Variants in TWF1 observed in about 807,000 individuals in gnomAD.
TWF1 encodes twinfilin actin binding protein 1, also known as twinfilin-1.
Under a neutral mutation model 47.9 loss-of-function variants are expected in TWF1, and 14 were observed. The ratio of observed to expected loss-of-function variants is 0.29; its 90% CI spans 0.19 to 0.46. TWF1 has a LOEUF of 0.46. Ranked by LOEUF, TWF1 falls within the 20% of genes least tolerant of loss-of-function variation. The pLI is 1.00. For missense variants in TWF1, 281 were observed against 409.3 expected (o/e 0.69, Z 2.70); for synonymous variants, 96 against 139.2 (o/e 0.69, Z 2.18).
At chr12:43,800,060 C>T (rs1449030202) in intron 4 of TWF1, among the ~76,000 whole-genome samples, 2 of 152,048 alleles carry the variant, frequency 1.3e-5, no homozygotes, top group Non-Finnish European at 2.9e-5. Context: ...AATATATTCC[C>T]ATCTAGTCTT....
chr12:43,806,274 C>A lies in TWF1; in HGVS notation c.-29G>T, dbSNP rs1418325132. On this transcript the variant is annotated 5_prime_UTR_variant, in exon 1 of 9. Coordinates refer to ENST00000395510, the MANE Select transcript of TWF1 (RefSeq NM_002822.5). ...GGCGGCCGCTAGCTCCCGGCTCCGG[C>A]GCTGAGTGCAGCCAGCGGCCCCGGC... 2 of 1,513,690 alleles carry A rather than the reference C, an allele frequency of 1.3e-6. No homozygotes were observed. Among genetic ancestry groups the A allele is most frequent in the East Asian group, 2.7e-5 (1 of 36,984 alleles). The allele number at this position is 1,513,690 out of a possible 1,614,324, so 93.8% of individuals were successfully genotyped here. A position where few individuals can be genotyped will look rare whatever the true frequency, so the allele number is the denominator to read the frequency against.
At chr12:43,804,398 T>C (rs995821077) in intron 2 of TWF1, 97 bp downstream of exon 2, 6 of 788,436 alleles carry the variant, frequency 7.6e-6, no homozygotes, top group Non-Finnish European at 1.1e-5. Context: ...TGCTTCATAT[T>C]AATTAATAGT....
In TWF1 at chr12:43,797,370, T is replaced by C. The variant is rs138610254; in HGVS notation, c.692A>G (p.Lys231Arg). ...ELKDLPKRIP[K>R]DSARYHFFLY... ...AAAGAAATGGTAACGAGCTGAATCC[T>C]TGGGAATCCTCTTTGGCAAATCTTT... Residue 231 changes from lysine to arginine, a missense_variant, in exon 7 of 9, where the codon AAG (lysine) becomes AGG (arginine). Lys to Arg is a conservative substitution (Grantham distance 26, BLOSUM62 2). Coordinates refer to ENST00000395510, the MANE Select transcript of TWF1 (RefSeq NM_002822.5). 1.9e-3 allele frequency: 3,035 copies of C among 1,605,740 alleles called. 2 individuals are homozygous for C. Among genetic ancestry groups the C allele is most frequent in the Non-Finnish European group, 2.5e-3 (2,899 of 1,176,710 alleles).
chr12:43,795,771 T>C lies in TWF1; in HGVS notation c.883-16A>G. On this transcript the variant is annotated splice_polypyrimidine_tract_variant and intron_variant, in intron 8 of 8. Transcript: ENST00000395510. ...CTATCTCGATCTGTAAAAGATAAAA[T>C]TAGAAGCACAACATTCAAAACCTAA... 2 of 1,610,820 alleles carry C rather than the reference T, an allele frequency of 1.2e-6. No homozygotes were observed. The highest frequency in any genetic ancestry group is 1.3e-5 in the African/African-American group (1 of 74,844).
chr12:43,795,373 T>G lies in TWF1; in HGVS notation c.*212A>C. The stretch of plus-strand genomic sequence containing the variant: ...AAAACAGTGTGACAAAATTAAACAT[T>G]ATGTTGAACCCTTTTCTAGCTTTAA... On this transcript the variant is annotated 3_prime_UTR_variant, in exon 9 of 9. Transcript: ENST00000395510. 2.0e-6 allele frequency: 1 copy of G among 493,718 alleles called. No homozygotes were observed. Among genetic ancestry groups the G allele is most frequent in the Admixed American group, 3.4e-5 (1 of 29,298 alleles). 30.6% of individuals were successfully genotyped at this position (493,718 alleles called of 1,614,324 possible). A position where few individuals can be genotyped will look rare whatever the true frequency, so the allele number is the denominator to read the frequency against.
intron 1 of TWF1, chr12:43,805,830 C>G (rs780408740): frequency 3.6e-6 from 5 of 1,387,290 alleles, no homozygotes; most frequent in Admixed American, 1.9e-5. Flanking sequence ...AGAAAACTCG[C>G]CTGGTTCTCG....
At chr12:43,798,304 C>T (rs949732612) in intron 5 of TWF1, among the ~76,000 whole-genome samples, 3 of 152,128 alleles carry the variant, frequency 2.0e-5, no homozygotes, top group African/African-American at 7.2e-5. Context: ...AGTTATACTA[C>T]TGCAGAAGTT....
intron 1 of TWF1, chr12:43,805,963 G>A (rs761497515): frequency 1.3e-6 from 2 of 1,545,086 alleles, no homozygotes; most frequent in Non-Finnish European, 1.7e-6. Flanking sequence ...AGGCCGCCTC[G>A]AAAGCCAATT....
At chr12:43,801,602 G>A (rs567569897) in intron 3 of TWF1, among the ~76,000 whole-genome samples, 31 of 152,154 alleles carry the variant, frequency 2.0e-4, no homozygotes, top group Middle Eastern at 3.4e-3. Context: ...GAATGGTAGC[G>A]ATTAATAAAT....
chr12:43,802,608 A>G, intron 2 of TWF1, 144 bp from the exon 3 acceptor site: 1 of 620,742 alleles, frequency 1.6e-6, no homozygotes, highest in South Asian at 2.2e-5. Context: ...ATGTGGTAAC[A>G]TAGAAAGTAA....
At chr12:43,799,528 CAGTAATTCTCT>C (rs756034142) in intron 4 of TWF1, 26 bp from the exon 5 acceptor site, 34 of 1,324,424 alleles carry the variant, frequency 2.6e-5, no homozygotes, top group Non-Finnish European at 3.4e-5. Flanking sequence ...AGACTATAAT[CAGTAATTCTCT>C]AGAAGTAAAA....
intron 1 of TWF1, chr12:43,805,918 T>G: frequency 6.6e-7 from 1 of 1,506,092 alleles, no homozygotes; most frequent in South Asian, 1.1e-5. Flanking sequence ...GTTGGGCGAC[T>G]GTCGGGGACG....
At chr12:43,798,702 T>A in intron 5 of TWF1, 3 of 1,115,428 alleles carry the variant, frequency 2.7e-6, no homozygotes, top group Non-Finnish European at 2.5e-6. Flanking sequence ...GCTACCAGTT[T>A]AATATTAAAT....
intron 3 of TWF1, among the ~76,000 whole-genome samples, chr12:43,800,738 C>T (rs111301325): frequency 4.0e-4 from 61 of 152,208 alleles, no homozygotes; most frequent in Middle Eastern, 6.8e-3. Flanking sequence ...AGATGGACTT[C>T]AATTTACAAT....
chr12:43,800,720 GGTTA>G (rs758101838), intron 3 of TWF1, among the ~76,000 whole-genome samples, 190 bp from the exon 4 acceptor site: 1 of 152,106 alleles, frequency 6.6e-6, no homozygotes, highest in Admixed American at 6.6e-5. Flanking sequence ...AACTATCAAT[GGTTA>G]GTAAGATGGA....
At chr12:43,806,048 C>T in intron 1 of TWF1, 173 bp downstream of exon 1, 1 of 1,518,444 alleles carries the variant, frequency 6.6e-7, no homozygotes, top group Non-Finnish European at 8.8e-7. Flanking sequence ...AGGACGCAGG[C>T]CGGCAGCGCC....
intron 8 of TWF1, 106 bp from the exon 9 acceptor site, chr12:43,795,861 A>C: frequency 9.2e-7 from 1 of 1,092,502 alleles, no homozygotes; most frequent in Non-Finnish European, 1.3e-6. Context: ...CCAGTAAGGC[A>C]GAATCAAGGA....
At chr12:43,799,932 T>C (rs1942628123) in intron 4 of TWF1, among the ~76,000 whole-genome samples, 1 of 152,082 alleles carries the variant, frequency 6.6e-6, no homozygotes, top group Admixed American at 6.5e-5. Flanking sequence ...ATAGTTTTCA[T>C]GTCAAAAGAA....
chr12:43,799,950 C>T (rs1312490411), intron 4 of TWF1, among the ~76,000 whole-genome samples: 1 of 151,966 alleles, frequency 6.6e-6, no homozygotes, highest in Non-Finnish European at 1.5e-5. Flanking sequence ...GAAAAAAATA[C>T]TACAAAGAGG....
Sources: allele counts gnomAD v4.1 joint callset (sites outside exome capture counted in the v4.1 genomes callset), GRCh38; gene constraint gnomAD v4.1.1; transcripts MANE v1.5; gene names NCBI Gene and HGNC (gene_info 2026-07-23, HGNC 2026-07-21).